PPP2R5D: variants seen among roughly 807,000 people sequenced by gnomAD.
The protein encoded by PPP2R5D is serine/threonine-protein phosphatase 2A 56 kDa regulatory subunit delta isoform.
Under a neutral mutation model 79.1 loss-of-function variants are expected in PPP2R5D, and 12 were observed. The observed-to-expected ratio is 0.15, with a 90% CI of 0.10 to 0.25. PPP2R5D has a LOEUF of 0.25. Among genes scored for constraint, PPP2R5D ranks in the 10% least tolerant of loss-of-function variants. The probability of loss-of-function intolerance (pLI) is 1.00; values close to 1 mark genes in which losing one functional copy is unlikely to be tolerated. For missense variants in PPP2R5D, 419 were observed against 760.2 expected (o/e 0.55, Z 5.28); for synonymous variants, 277 against 286.6 (o/e 0.97, Z 0.34).
In PPP2R5D at chr6:43,008,628, C is replaced by T. The variant is rs1284778871; in HGVS notation, c.1027-65C>T. The T allele has an allele frequency of 4.5e-6, 7 of 1,556,420 alleles. No individual in the cohort carries two copies. Among genetic ancestry groups the T allele is most frequent in the Admixed American group, 3.4e-5 (2 of 59,472 alleles). On this transcript the variant is annotated intron_variant, in intron 9 of 15. Transcript: ENST00000485511. This position sits in a 1 kb window ranked among gnomAD's most constrained non-coding sequence, Gnocchi z 4.2. ...TTCCCTTCTGGGATCTTGTTTCTAT[C>T]ACTGACTTCTCTGAGAGCTTCTAGG...
At chr6:42,998,529 G>C (rs1771953153) in intron 2 of PPP2R5D, among the ~76,000 whole-genome samples, 1 of 152,110 alleles carries the variant, frequency 6.6e-6, no homozygotes, top group Admixed American at 6.6e-5. Flanking sequence ...AAGGCTTCTT[G>C]GAGTATGGAT....
chr6:43,011,451 G>C lies in PPP2R5D; in HGVS notation c.*165G>C. 1.1e-6 allele frequency: 1 copy of C among 927,970 alleles called. No individual in the cohort carries two copies. The highest frequency in any genetic ancestry group is 1.6e-6 in the Non-Finnish European group (1 of 630,864). The allele number at this position is 927,970 out of a possible 1,614,324, so 57.5% of individuals were successfully genotyped here. ...TTGAAGCAGGGACACCCACAGAATG[G>C]TCCCTCTTCTCCCCAAAAGGTGTTC... On this transcript the variant is annotated 3_prime_UTR_variant, in exon 16 of 16. Coordinates refer to ENST00000485511, the MANE Select transcript of PPP2R5D (RefSeq NM_006245.4).
chr6:43,006,898 G>A lies in PPP2R5D; in HGVS notation c.323-13G>A. 6.2e-7 allele frequency: 1 copy of A among 1,613,434 alleles called. No homozygotes were observed. Among genetic ancestry groups the A allele is most frequent in the South Asian group, 1.1e-5 (1 of 91,042 alleles). On this transcript the variant is annotated splice_polypyrimidine_tract_variant and intron_variant, in intron 3 of 15. Transcript: ENST00000485511. This position sits in a 1 kb window ranked among gnomAD's most constrained non-coding sequence, Gnocchi z 4.7. Reference sequence around the variant, plus strand: ...GACTACAGAGGAGAACCTGACTGCTGGGGCCCCCACAGATTCGCCAACCCA... The same window carrying A: ...GACTACAGAGGAGAACCTGACTGCTAGGGCCCCCACAGATTCGCCAACCCA...
Position 43,012,040 on chromosome 6 carries a change from G to A in PPP2R5D, c.*754G>A, listed in dbSNP as rs528570677. 3.1e-4 allele frequency: 82 copies of A among 263,594 alleles called. No individual in the cohort carries two copies. Among genetic ancestry groups the A allele is most frequent in the African/African-American group, 1.7e-3 (75 of 43,682 alleles). 16.3% of individuals were successfully genotyped at this position (263,594 alleles called of 1,614,324 possible). ...CTGGGGCTGACTGCTTTTCTGTGCT[G>A]TTGGTTCCCAAAACTAGAAAGAAGG... On this transcript the variant is annotated 3_prime_UTR_variant, in exon 16 of 16. Transcript: ENST00000485511.
In PPP2R5D at chr6:42,984,632, G is replaced by C. The variant is rs1396501547; in HGVS notation, c.-46G>C. ...CCGAGTGCGGCCGAGCAAAGCCGGA[G>C]CCGGAGCGGGGCCGCAGGAGACGGG... On this transcript the variant is annotated 5_prime_UTR_variant, in exon 1 of 16. Transcript: ENST00000485511. 1 of 1,572,152 alleles carries C rather than the reference G, an allele frequency of 6.4e-7. No homozygotes were observed. Among genetic ancestry groups the C allele is most frequent in the Non-Finnish European group, 8.6e-7 (1 of 1,160,872 alleles).
chr6:42,992,046 T>G (rs1279326201), intron 2 of PPP2R5D, among the ~76,000 whole-genome samples: 1 of 152,160 alleles, frequency 6.6e-6, no homozygotes, highest in East Asian at 1.9e-4. Flanking sequence ...AAAAGCTGTT[T>G]GGCACAGTCC....
intron 2 of PPP2R5D, among the ~76,000 whole-genome samples, chr6:42,999,628 C>G (rs185772115): frequency 6.6e-6 from 1 of 152,094 alleles, no homozygotes; most frequent in Non-Finnish European, 1.5e-5. Flanking sequence ...TGCAGTGGCA[C>G]GATTTCGGCT....
intron 2 of PPP2R5D, among the ~76,000 whole-genome samples, chr6:42,994,818 CA>C (rs57606135): frequency 4.7e-3 from 516 of 110,014 alleles, no homozygotes; most frequent in East Asian, 0.013. Flanking sequence ...AACTCCATCT[CA>C]AAAAAAAAAA....
chr6:43,005,116 T>C (rs1401479821), intron 2 of PPP2R5D, among the ~76,000 whole-genome samples: 2 of 151,904 alleles, frequency 1.3e-5, no homozygotes, highest in Non-Finnish European at 2.9e-5. Flanking sequence ...ATAAATGAGG[T>C]TGTTAAAAGT....
At chr6:42,994,661 T>G (rs1298006325) in intron 2 of PPP2R5D, among the ~76,000 whole-genome samples, 2 of 151,956 alleles carry the variant, frequency 1.3e-5, no homozygotes, top group African/African-American at 4.8e-5. Flanking sequence ...AAAAATTAGC[T>G]GGGCATGGTG....
intron 1 of PPP2R5D, among the ~76,000 whole-genome samples, chr6:42,985,056 G>A (rs1490613153): frequency 7.2e-6 from 1 of 138,342 alleles, no homozygotes; most frequent in African/African-American, 2.8e-5. Context: ...ATCCCCCTTC[G>A]GTTTGGGCAG....
At chr6:42,988,653 C>T (rs1026214504) in intron 1 of PPP2R5D, among the ~76,000 whole-genome samples, 1 of 152,192 alleles carries the variant, frequency 6.6e-6, no homozygotes, top group East Asian at 1.9e-4. Flanking sequence ...GTATGGGTTG[C>T]ATTTCCCTCT....
chr6:42,984,830 G>A lies in PPP2R5D; in HGVS notation c.27+126G>A, dbSNP rs549062851. 230 of 1,419,884 alleles carry A rather than the reference G, an allele frequency of 1.6e-4. 1 individual carries two copies. In the African/African-American group the frequency reaches 3.0e-3, roughly 19 times the overall value. The allele number at this position is 1,419,884 out of a possible 1,614,324, so 88.0% of individuals were successfully genotyped here. On this transcript the variant is annotated intron_variant, in intron 1 of 15. Transcript: ENST00000485511. ...GTCCAGCCCCCGCAGGACTCCTGGG[G>A]CCAGCCCTCCGCCCCCGCGGCTGGC...
chr6:42,985,524 C>T (rs1365416730), intron 1 of PPP2R5D, among the ~76,000 whole-genome samples: 1 of 152,196 alleles, frequency 6.6e-6, no homozygotes, highest in Admixed American at 6.5e-5. Context: ...CACCCAAGTG[C>T]ATCCTAGACC....
At chr6:43,003,323 G>A (rs1390597874) in intron 2 of PPP2R5D, among the ~76,000 whole-genome samples, 1 of 152,132 alleles carries the variant, frequency 6.6e-6, no homozygotes, top group Admixed American at 6.6e-5. Flanking sequence ...TCGGGAGGCT[G>A]AGGCAGGAGA....
intron 2 of PPP2R5D, 54 bp downstream of exon 2, chr6:42,989,742 A>T: frequency 6.6e-7 from 1 of 1,512,582 alleles, no homozygotes; most frequent in Non-Finnish European, 9.1e-7. Context: ...CCGCAACTCC[A>T]TGATGGCTAG....
chr6:43,011,494 G>C lies in PPP2R5D; in HGVS notation c.*208G>C. On this transcript the variant is annotated 3_prime_UTR_variant, in exon 16 of 16. Coordinates refer to ENST00000485511, the MANE Select transcript of PPP2R5D (RefSeq NM_006245.4). ...AGGTGTTCATGCCTCCCTGTGGCTA[G>C]TACAGGCTGAGCACTAAGATGCTTA... 1 of 652,218 alleles carries C rather than the reference G, an allele frequency of 1.5e-6. No homozygotes were observed. Among genetic ancestry groups the C allele is most frequent in the Non-Finnish European group, 2.6e-6 (1 of 388,586 alleles). The allele number at this position is 652,218 out of a possible 1,614,324, so 40.4% of individuals were successfully genotyped here.
At chr6:43,005,020 C>T (rs1454660999) in intron 2 of PPP2R5D, among the ~76,000 whole-genome samples, 1 of 152,028 alleles carries the variant, frequency 6.6e-6, no homozygotes, top group African/African-American at 2.4e-5. Context: ...GCTGGGATTA[C>T]AGGCATGAGC....
In PPP2R5D at chr6:43,011,621, A is replaced by G. The variant is rs1357387774; in HGVS notation, c.*335A>G. On this transcript the variant is annotated 3_prime_UTR_variant, in exon 16 of 16. Coordinates refer to ENST00000485511, the MANE Select transcript of PPP2R5D (RefSeq NM_006245.4). ...CACACAGGAATACATACGCTCCTCTATTCTTCCCTTCATCCTCATTTGAAC... is the reference window on the plus strand; with the variant it reads ...CACACAGGAATACATACGCTCCTCTGTTCTTCCCTTCATCCTCATTTGAAC... 9.3e-6 allele frequency: 3 copies of G among 321,658 alleles called. No homozygotes were observed. The highest frequency in any genetic ancestry group is 1.7e-5 in the Non-Finnish European group (3 of 171,684). The allele number at this position is 321,658 out of a possible 1,614,324, so 19.9% of individuals were successfully genotyped here.
Sources: gnomAD v4.1 joint callset for allele counts (sites outside exome capture counted in the v4.1 genomes callset) on GRCh38, gnomAD v4.1.1 for gene constraint, Gnocchi (gnomAD v3.1) non-coding constraint, MANE v1.5 for transcripts, NCBI Gene and HGNC (gene_info 2026-07-23, HGNC 2026-07-21) for gene names.